The following MED12L variants were observed in gnomAD, a reference collection of about 807,000 sequenced individuals.
MED12L encodes mediator of RNA polymerase II transcription subunit 12-like protein.
A neutral mutation model predicts 281.3 loss-of-function variants in MED12L; 60 were observed. The observed-to-expected ratio is 0.21, with a 90% CI of 0.17 to 0.26. The LOEUF (loss-of-function observed/expected upper bound fraction) is 0.26. MED12L is among the 10% of genes least tolerant of loss of function. MED12L has a pLI of 1.00. For missense variants in MED12L, 2,146 were observed against 2,680.9 expected, an observed-to-expected ratio of 0.80 and a Z score of 4.41; for synonymous variants, 974 against 987.2, an observed-to-expected ratio of 0.99 and a Z score of 0.25.
intron 42 of MED12L, among the ~76,000 whole-genome samples, chr3:151,413,627 TAAAAGTGTC>T: frequency 6.6e-6 from 1 of 152,306 alleles, no homozygotes; most frequent in East Asian, 1.9e-4. Flanking sequence ...GCAAATTTTT[TAAAAGTGTC>T]ATAAATGTGA....
chr3:151,104,160 G>A (rs1350621537), intron 2 of MED12L, among the ~76,000 whole-genome samples: 1 of 152,164 alleles, frequency 6.6e-6, no homozygotes, highest in Non-Finnish European at 1.5e-5. Context: ...GCTAATAGCA[G>A]TATAGGTGAC....
At chr3:151,326,541 G>C (rs1287340502) in intron 16 of MED12L, 5 of 152,358 alleles carry the variant, frequency 3.3e-5, no homozygotes, top group Admixed American at 3.3e-4. Context: ...GACAACATAG[G>C]GTTTCACAGA....
At chr3:151,374,057 C>A (rs536960688) in intron 27 of MED12L, among the ~76,000 whole-genome samples, 220 of 152,256 alleles carry the variant, frequency 1.4e-3, no homozygotes, top group African/African-American at 4.8e-3. Context: ...CAAAGTTGTT[C>A]TGTGTTTTCC....
intron 16 of MED12L, among the ~76,000 whole-genome samples, chr3:151,263,132 G>A (rs538292830): frequency 6.5e-4 from 99 of 152,104 alleles, no homozygotes; most frequent in Non-Finnish European, 4.4e-4. Flanking sequence ...GGGCGAAGTG[G>A]GTGCAGAGAT....
chr3:151,104,949 C>T (rs1721817905), intron 2 of MED12L, among the ~76,000 whole-genome samples: 1 of 152,208 alleles, frequency 6.6e-6, no homozygotes, highest in Non-Finnish European at 1.5e-5. Context: ...CACCCTAATT[C>T]AGCATGACTG....
chr3:151,103,706 A>G (rs1721660354), intron 2 of MED12L, among the ~76,000 whole-genome samples: 3 of 152,226 alleles, frequency 2.0e-5, no homozygotes, highest in South Asian at 4.1e-4. Flanking sequence ...CCTTTACAGT[A>G]GACATGTGAG....
intron 16 of MED12L, among the ~76,000 whole-genome samples, chr3:151,227,960 T>A (rs1730875616): frequency 6.6e-6 from 1 of 152,214 alleles, no homozygotes; most frequent in African/African-American, 2.4e-5. Context: ...CCCACACATT[T>A]CTAAATTTTC....
chr3:151,197,958 A>G (rs1456374073), intron 16 of MED12L: 3 of 152,778 alleles, frequency 2.0e-5, no homozygotes, highest in Non-Finnish European at 2.9e-5. Context: ...GATTAGAAAT[A>G]AAATAGGCAC....
intron 8 of MED12L, among the ~76,000 whole-genome samples, chr3:151,161,259 G>A (rs572191457): frequency 6.8e-6 from 1 of 147,418 alleles, no homozygotes; most frequent in East Asian, 2.1e-4. Flanking sequence ...TGGACTGTTT[G>A]TCCTTTATTT....
chr3:151,231,909 A>G (rs898742577), intron 16 of MED12L, among the ~76,000 whole-genome samples: 20 of 152,208 alleles, frequency 1.3e-4, no homozygotes, highest in African/African-American at 4.8e-4. Flanking sequence ...ACAAGAAAAC[A>G]AAGTGTTATG....
intron 13 of MED12L, among the ~76,000 whole-genome samples, chr3:151,190,032 C>A (rs138755081): frequency 6.6e-6 from 1 of 152,210 alleles, no homozygotes; most frequent in African/African-American, 2.4e-5. Flanking sequence ...ATTGCACAGA[C>A]CCACTCAAGC....
At chr3:151,328,831 G>A (rs560572748) in intron 16 of MED12L, 3 of 1,613,986 alleles carry the variant, frequency 1.9e-6, no homozygotes, top group African/African-American at 2.7e-5. Context: ...TGAAGGTGGA[G>A]GAGCTGGGGA....
intron 16 of MED12L, chr3:151,294,807 A>G (rs765245100): frequency 6.2e-7 from 1 of 1,614,162 alleles, no homozygotes; most frequent in Non-Finnish European, 8.5e-7. Context: ...GAGTCCCCAA[A>G]TGGCTTGACC....
intron 16 of MED12L, chr3:151,213,982 A>G: frequency 5.6e-6 from 9 of 1,614,164 alleles, no homozygotes; most frequent in Non-Finnish European, 7.6e-6. Flanking sequence ...GATGAGCCCA[A>G]AGAACACAAT....
chr3:151,262,196 C>T (rs1739042441), intron 16 of MED12L, among the ~76,000 whole-genome samples: 1 of 152,142 alleles, frequency 6.6e-6, no homozygotes, highest in African/African-American at 2.4e-5. Flanking sequence ...ATGAACTCTC[C>T]TGATTAAGTC....
At chr3:151,108,228 T>G (rs1711495965) in intron 2 of MED12L, among the ~76,000 whole-genome samples, 1 of 91,856 alleles carries the variant, frequency 1.1e-5, no homozygotes, top group Non-Finnish European at 2.0e-5. Flanking sequence ...CCTCAGTTGG[T>G]AGGGGTGGGG....
At chr3:151,366,019 G>A in intron 23 of MED12L, 28 bp downstream of exon 23, 3 of 1,520,386 alleles carry the variant, frequency 2.0e-6, no homozygotes, top group Non-Finnish European at 2.6e-6. Flanking sequence ...TTTAAAAATT[G>A]AACTGTGCAA....
rs981395536 is a variant in MED12L, at chr3:151,157,236, A to ATT, written c.726+918_726+919dup. Among the ~76,000 whole-genome samples the ATT allele has an allele frequency of 6.3e-4, 92 of 146,910 alleles. 1 individual carries two copies. The highest frequency in any genetic ancestry group is 2.1e-3 in the African/African-American group (86 of 40,208). On this transcript the variant is annotated intron_variant, in intron 6 of 44. Transcript: ENST00000687756. ...ACGTATTAGGAGTATTGAAATTAGA[A>ATT]TTTTTTTTTTTTTAAGAAAGCAGTT...
chr3:151,386,992 G>A (rs1477194429), intron 36 of MED12L, among the ~76,000 whole-genome samples: 2 of 152,116 alleles, frequency 1.3e-5, no homozygotes, highest in African/African-American at 2.4e-5. Flanking sequence ...TTACAGACAC[G>A]AGCCACTGTG....
Sources: gnomAD v4.1 joint callset for allele counts (sites outside exome capture counted in the v4.1 genomes callset) on GRCh38, gnomAD v4.1.1 for gene constraint, MANE v1.5 for transcripts, NCBI Gene and HGNC (gene_info 2026-07-23, HGNC 2026-07-21) for gene names.